LUZP2: variants seen among roughly 807,000 people sequenced by gnomAD.
LUZP2 encodes leucine zipper protein 2.
In LUZP2, 52 loss-of-function variants were observed where a neutral mutation model predicts 51.6. That is an observed-to-expected ratio of 1.01 (90% CI 0.81 to 1.27). The LOEUF (loss-of-function observed/expected upper bound fraction) is 1.27, where lower values mean the gene tolerates loss of function less well. LUZP2 is among the 50% of genes most tolerant of loss of function. The probability of loss-of-function intolerance (pLI) is 0.00; values close to 1 mark genes in which losing one functional copy is unlikely to be tolerated. For synonymous variants in LUZP2, 154 were observed against 137.3 expected (o/e 1.12, Z -0.85); for missense variants, 436 against 395.4 (o/e 1.10, Z -0.87).
intron 1 of LUZP2, among the ~76,000 whole-genome samples, chr11:24,567,256 G>C (rs981086108): frequency 3.3e-5 from 5 of 151,310 alleles, no homozygotes; most frequent in African/African-American, 1.2e-4. Flanking sequence ...AATCAGTAAA[G>C]TAAAAGTTAA....
chr11:24,801,178 C>T (rs550130376), intron 5 of LUZP2, among the ~76,000 whole-genome samples: 5 of 152,074 alleles, frequency 3.3e-5, no homozygotes, highest in Non-Finnish European at 7.4e-5. Flanking sequence ...ACTTTAAAGA[C>T]GTGCTGATAA....
intron 4 of LUZP2, among the ~76,000 whole-genome samples, chr11:24,743,943 A>G (rs950484403): frequency 7.9e-5 from 12 of 152,212 alleles, no homozygotes; most frequent in Admixed American, 5.9e-4. Flanking sequence ...ATGAGCATTC[A>G]ACAGAGAATG....
intron 1 of LUZP2, among the ~76,000 whole-genome samples, chr11:24,602,391 C>CACACAG (rs1853764522): frequency 1.9e-5 from 2 of 106,096 alleles, no homozygotes; most frequent in Non-Finnish European, 3.9e-5. Context: ...TATATATACA[C>CACACAG]ACACACACAC....
At chr11:24,883,234 T>C (rs1179284444) in intron 5 of LUZP2, among the ~76,000 whole-genome samples, 1 of 148,498 alleles carries the variant, frequency 6.7e-6, no homozygotes, top group East Asian at 1.9e-4. Context: ...TCATACTAAA[T>C]GTACGTTAAG....
intron 1 of LUZP2, among the ~76,000 whole-genome samples, chr11:24,518,963 A>G (rs1452261632): frequency 6.6e-6 from 1 of 152,192 alleles, no homozygotes; most frequent in Non-Finnish European, 1.5e-5. Context: ...ATCATACTCT[A>G]TTTGTTGGTT....
chr11:24,517,244 G>A (rs1850493975), intron 1 of LUZP2, among the ~76,000 whole-genome samples: 2 of 151,884 alleles, frequency 1.3e-5, no homozygotes, highest in South Asian at 4.2e-4. Context: ...CCAGCACTTT[G>A]GGAGGCCAAG....
intron 1 of LUZP2, among the ~76,000 whole-genome samples, chr11:24,587,869 G>A (rs1210155898): frequency 6.6e-6 from 1 of 152,028 alleles, no homozygotes; most frequent in Non-Finnish European, 1.5e-5. Flanking sequence ...AGATGTGTCA[G>A]AGGGGGTAGG....
At chr11:24,881,737 A>C (rs933890852) in intron 5 of LUZP2, among the ~76,000 whole-genome samples, 2 of 152,086 alleles carry the variant, frequency 1.3e-5, no homozygotes, top group African/African-American at 4.8e-5. Context: ...TGATATTTTC[A>C]ATAAAATGAA....
intron 1 of LUZP2, among the ~76,000 whole-genome samples, chr11:24,566,721 G>GTATA (rs1184631233): frequency 6.9e-6 from 1 of 144,526 alleles, no homozygotes; most frequent in Non-Finnish European, 1.5e-5. Flanking sequence ...GTATATATAT[G>GTATA]TATATATACA....
chr11:24,665,306 G>A lies in LUZP2; in HGVS notation c.63-63863G>A, dbSNP rs180747013. On this transcript the variant is annotated intron_variant, in intron 1 of 11. Coordinates refer to ENST00000336930, the MANE Select transcript of LUZP2 (RefSeq NM_001009909.4). ...ATTTACCCATTGCCTGTACTCCATC[G>A]TACCTAGAAAGTAACTAACTTGCTT... is the stretch of plus-strand genomic sequence containing the variant. Among the ~76,000 whole-genome samples the A allele has an allele frequency of 2.4e-4, 37 of 152,202 alleles. No homozygotes were observed. In the East Asian group the frequency reaches 3.3e-3, roughly 14 times the overall value.
intron 1 of LUZP2, among the ~76,000 whole-genome samples, chr11:24,536,556 C>T (rs1386820386): frequency 6.6e-6 from 1 of 151,830 alleles, no homozygotes; most frequent in Admixed American, 6.6e-5. Flanking sequence ...TCTGAAGCTT[C>T]AGCACCTCTC....
In LUZP2 at chr11:24,779,648, G is replaced by A. The variant is rs11028171; in HGVS notation, c.396+16340G>A. On this transcript the variant is annotated intron_variant, in intron 5 of 11. Coordinates refer to ENST00000336930, the MANE Select transcript of LUZP2 (RefSeq NM_001009909.4). ...GAAAATACATGTAGTAGGCTGAAAA[G>A]TAGCCCAGAGAGATCATGTCCTAAT... Among the ~76,000 whole-genome samples, 3 of 152,258 alleles carry A rather than the reference G, an allele frequency of 2.0e-5. No homozygotes were observed. In the East Asian group the frequency reaches 5.8e-4, roughly 29 times the overall value.
intron 9 of LUZP2, among the ~76,000 whole-genome samples, chr11:25,023,278 C>G (rs976649795): frequency 6.6e-6 from 1 of 151,764 alleles, no homozygotes; most frequent in Non-Finnish European, 1.5e-5. Context: ...CATCTAATCC[C>G]GGACTTTTTT....
intron 1 of LUZP2, among the ~76,000 whole-genome samples, chr11:24,625,891 G>A (rs1452861004): frequency 6.7e-6 from 1 of 150,082 alleles, no homozygotes; most frequent in East Asian, 2.0e-4. Context: ...CAGGAGTACA[G>A]CATGTTTCCA....
intron 1 of LUZP2, among the ~76,000 whole-genome samples, chr11:24,510,945 CG>C (rs997165043): frequency 3.5e-4 from 53 of 152,130 alleles, no homozygotes; most frequent in African/African-American, 1.2e-3. Context: ...AAGGTGGCCA[CG>C]AGAGTTCAAA....
intron 5 of LUZP2, among the ~76,000 whole-genome samples, chr11:24,884,840 G>A (rs575224978): frequency 6.6e-6 from 1 of 152,098 alleles, no homozygotes; most frequent in African/African-American, 2.4e-5. Context: ...TTGAAGAAAT[G>A]GGTTGTTTTT....
chr11:24,632,947 A>G (rs1854945505), intron 1 of LUZP2, among the ~76,000 whole-genome samples: 1 of 152,014 alleles, frequency 6.6e-6, no homozygotes, highest in Non-Finnish European at 1.5e-5. Context: ...TACTGCAACC[A>G]ATGGATCTCA....
intron 1 of LUZP2, among the ~76,000 whole-genome samples, chr11:24,507,958 A>G (rs1169016993): frequency 2.0e-5 from 3 of 151,358 alleles, no homozygotes; most frequent in Non-Finnish European, 4.4e-5. Flanking sequence ...TAGAGTGAAA[A>G]AAGAAACTCA....
intron 5 of LUZP2, among the ~76,000 whole-genome samples, chr11:24,799,909 G>A (rs544560629): frequency 2.0e-5 from 3 of 152,096 alleles, no homozygotes; most frequent in Admixed American, 6.6e-5. Context: ...TAGGCATTGA[G>A]CATATCTTCC....
Sources: allele counts gnomAD v4.1 joint callset (sites outside exome capture counted in the v4.1 genomes callset), GRCh38; gene constraint gnomAD v4.1.1; transcripts MANE v1.5; gene names NCBI Gene and HGNC (gene_info 2026-07-23, HGNC 2026-07-21).